The following STK39 variants were observed in gnomAD, a reference collection of about 807,000 sequenced individuals.
The protein encoded by STK39 is serine/threonine kinase 39.
In STK39, 20 loss-of-function variants were observed where a neutral mutation model predicts 77.8. That is an observed-to-expected ratio of 0.26 (90% CI 0.18 to 0.37). The LOEUF (loss-of-function observed/expected upper bound fraction) is 0.37. Ranked by LOEUF, STK39 falls within the 10% of genes least tolerant of loss-of-function variation. The pLI, the probability that STK39 is intolerant of heterozygous loss-of-function variation, is 1.00. For synonymous variants in STK39, 246 were observed against 234.1 expected (o/e 1.05, Z -0.47); for missense variants, 479 against 656.5 (o/e 0.73, Z 2.95).
At chr2:167,993,200 T>A (rs1312015115) in intron 16 of STK39, among the ~76,000 whole-genome samples, 1 of 152,230 alleles carries the variant, frequency 6.6e-6, no homozygotes, top group Non-Finnish European at 1.5e-5. Context: ...GAGCTGGCAG[T>A]GTGCATGCAT....
chr2:168,202,011 C>T (rs547319042), intron 1 of STK39, among the ~76,000 whole-genome samples: 11 of 152,330 alleles, frequency 7.2e-5, no homozygotes, highest in Middle Eastern at 3.4e-3. Context: ...CAGAAAACAA[C>T]GAGCCAGAGC....
At chr2:168,209,963 T>C (rs1574558122) in intron 1 of STK39, among the ~76,000 whole-genome samples, 4 of 144,754 alleles carry the variant, frequency 2.8e-5, no homozygotes. Context: ...CACCATTACA[T>C]TCCAGCTTGG....
chr2:168,017,878 A>C (rs1684455702), intron 14 of STK39, among the ~76,000 whole-genome samples: 1 of 152,158 alleles, frequency 6.6e-6, no homozygotes, highest in South Asian at 2.1e-4. Context: ...GTAGTTTAAA[A>C]TTTTATCTAA....
At chr2:168,183,512 T>C (rs1689135841) in intron 1 of STK39, among the ~76,000 whole-genome samples, 1 of 152,164 alleles carries the variant, frequency 6.6e-6, no homozygotes, top group Admixed American at 6.5e-5. Context: ...GACTCCGAGA[T>C]GTGTGCTTTT....
At chr2:168,031,286 A>G (rs1684827310) in intron 14 of STK39, among the ~76,000 whole-genome samples, 1 of 152,200 alleles carries the variant, frequency 6.6e-6, no homozygotes, top group Non-Finnish European at 1.5e-5. Flanking sequence ...AGTTTTTTAC[A>G]AAATCTATTT....
chr2:168,214,191 G>A (rs1050921305), intron 1 of STK39, among the ~76,000 whole-genome samples: 5 of 151,908 alleles, frequency 3.3e-5, no homozygotes, highest in East Asian at 1.9e-4. Flanking sequence ...GGGTGATGAC[G>A]GTGCCTGCCT....
intron 1 of STK39, among the ~76,000 whole-genome samples, chr2:168,185,277 G>A (rs1300413247): frequency 6.6e-6 from 1 of 152,122 alleles, no homozygotes; most frequent in African/African-American, 2.4e-5. Context: ...CATTCAATAG[G>A]ATTATGGCCT....
chr2:168,119,580 C>T (rs1171511326), intron 10 of STK39, among the ~76,000 whole-genome samples: 1 of 152,182 alleles, frequency 6.6e-6, no homozygotes, highest in Non-Finnish European at 1.5e-5. Context: ...GTCTCTTGTT[C>T]ATGGCTCAGT....
chr2:168,151,101 T>C lies in STK39; in HGVS notation c.629-10343A>G, dbSNP rs537637705. ...AAAAACATAATCCTACAGTATTTCC[T>C]GAGTCTAGGCCCTAGAGAGTCACTT... On this transcript the variant is annotated intron_variant, in intron 5 of 17. Transcript: ENST00000355999. Among the ~76,000 whole-genome samples the C allele has an allele frequency of 2.0e-5, 3 of 151,566 alleles. No homozygotes were observed. The East Asian group carries it at 5.9e-4, about 30-fold the overall frequency.
intron 1 of STK39, among the ~76,000 whole-genome samples, chr2:168,242,826 G>A (rs1690803333): frequency 6.7e-6 from 1 of 150,140 alleles, no homozygotes; most frequent in Non-Finnish European, 1.5e-5. Context: ...CCAAGAGTTC[G>A]AGGCTGCAGT....
intron 15 of STK39, among the ~76,000 whole-genome samples, chr2:168,014,405 C>A (rs1441636502): frequency 1.3e-5 from 2 of 151,898 alleles, no homozygotes; most frequent in African/African-American, 4.8e-5. Flanking sequence ...ATCACTTGAG[C>A]CTGGGAGGTC....
intron 17 of STK39, among the ~76,000 whole-genome samples, chr2:167,961,035 G>C (rs1691942839): frequency 1.3e-5 from 2 of 152,178 alleles, no homozygotes; most frequent in Admixed American, 1.3e-4. Flanking sequence ...CATGTGGACA[G>C]CCACTCTTTT....
At chr2:168,199,756 G>A (rs1041273859) in intron 1 of STK39, among the ~76,000 whole-genome samples, 3 of 151,934 alleles carry the variant, frequency 2.0e-5, no homozygotes, top group East Asian at 1.9e-4. Context: ...CTTGTGATCC[G>A]CCCACCTCGG....
Position 168,247,506 on chromosome 2 carries a change from C to CGCCGCCGACACCTCTCG in STK39, c.-88_-72dup. 8.6e-7 allele frequency: 1 copy of CGCCGCCGACACCTCTCG among 1,166,654 alleles called. No individual in the cohort carries two copies. The highest frequency in any genetic ancestry group is 1.1e-6 in the Non-Finnish European group (1 of 932,786). 72.3% of individuals were successfully genotyped at this position (1,166,654 alleles called of 1,614,324 possible). A position where few individuals can be genotyped will look rare whatever the true frequency, so the allele number is the denominator to read the frequency against. On this transcript the variant is annotated 5_prime_UTR_variant, in exon 1 of 18. Transcript: ENST00000355999. ...CTTCCACTTGAAACTTCCTTTGCCT[C>CGCCGCCGACACCTCTCG]GCCGCCGACACCTCTCGGCCGGCGC...
chr2:168,132,717 T>C (rs1261311965), intron 8 of STK39, among the ~76,000 whole-genome samples: 1 of 152,190 alleles, frequency 6.6e-6, no homozygotes, highest in Non-Finnish European at 1.5e-5. Flanking sequence ...GTGGCACTCA[T>C]GCACCATGCT....
chr2:167,962,939 C>T (rs1428876771), intron 17 of STK39, among the ~76,000 whole-genome samples: 1 of 152,120 alleles, frequency 6.6e-6, no homozygotes, highest in African/African-American at 2.4e-5. Context: ...GGGCCTACTA[C>T]CAGAGATAAT....
At chr2:168,001,402 G>T (rs187348956) in intron 16 of STK39, among the ~76,000 whole-genome samples, 1 of 151,786 alleles carries the variant, frequency 6.6e-6, no homozygotes, top group Non-Finnish European at 1.5e-5. Flanking sequence ...CAGATCTCTC[G>T]TTTTAAAATG....
At chr2:168,064,116 A>T (rs1685734722) in intron 13 of STK39, among the ~76,000 whole-genome samples, 1 of 152,208 alleles carries the variant, frequency 6.6e-6, no homozygotes. Flanking sequence ...TAGAAAAAAT[A>T]AGGCATTTCA....
chr2:168,086,920 CAAG>C (rs1044202836), intron 10 of STK39, among the ~76,000 whole-genome samples: 41 of 152,256 alleles, frequency 2.7e-4, no homozygotes, highest in African/African-American at 9.4e-4. Flanking sequence ...GGCATTTCCC[CAAG>C]TGAGGGCAAC....
Sources: gnomAD v4.1 joint callset for allele counts (sites outside exome capture counted in the v4.1 genomes callset) on GRCh38, gnomAD v4.1.1 for gene constraint, MANE v1.5 for transcripts, NCBI Gene and HGNC (gene_info 2026-07-23, HGNC 2026-07-21) for gene names.